Variants in RFXANK observed in about 807,000 individuals in gnomAD.
RFXANK encodes regulatory factor X associated ankyrin containing protein.
In RFXANK, 19 loss-of-function variants were observed where a neutral mutation model predicts 34.5. The observed-to-expected ratio is 0.55, with a 90% confidence interval of 0.38 to 0.81. The LOEUF (loss-of-function observed/expected upper bound fraction) is 0.81, where lower values mean the gene tolerates loss of function less well. Among genes scored for constraint, RFXANK ranks in the 30% least tolerant of loss-of-function variants. RFXANK has a pLI of 0.00. For missense variants in RFXANK, 295 were observed against 343.5 expected, an observed-to-expected ratio of 0.86 and a Z score of 1.12; for synonymous variants, 154 against 149.8, an observed-to-expected ratio of 1.03 and a Z score of -0.20.
chr19:19,195,868 G>A (rs148503973), intron 3 of RFXANK, among the ~76,000 whole-genome samples: 28 of 148,706 alleles, frequency 1.9e-4, no homozygotes, highest in South Asian at 6.4e-4. Context: ...TCAGCCTCCC[G>A]AGTAGCTGGG....
chr19:19,195,037 G>A (rs550642715), intron 3 of RFXANK, among the ~76,000 whole-genome samples: 50 of 115,194 alleles, frequency 4.3e-4, no homozygotes, highest in Non-Finnish European at 6.4e-4. Context: ...TCCCGCCTCC[G>A]TTTTTTTTTT....
At chr19:19,200,238 C>T (rs1397793632) in intron 9 of RFXANK, among the ~76,000 whole-genome samples, 1 of 145,512 alleles carries the variant, frequency 6.9e-6, no homozygotes, top group Non-Finnish European at 1.5e-5. Context: ...AGTGCAATGG[C>T]GCCATCTCGG....
chr19:19,201,831 C>A lies in RFXANK; in HGVS notation c.*112C>A. The A allele has an allele frequency of 6.2e-7, 1 of 1,611,506 alleles. No individual in the cohort carries two copies. The highest frequency in any genetic ancestry group is 8.5e-7 in the Non-Finnish European group (1 of 1,178,760). On this transcript the variant is annotated 3_prime_UTR_variant, in exon 10 of 10. Coordinates refer to ENST00000303088, the MANE Select transcript of RFXANK (RefSeq NM_003721.4). Reference sequence around the variant, plus strand: ...TCTGGACAGGTGGTGGGAGGGGACCCTTCCCAAGAGGAACCAATAAACCTT... The same window carrying A: ...TCTGGACAGGTGGTGGGAGGGGACCATTCCCAAGAGGAACCAATAAACCTT...
Position 19,197,165 on chromosome 19 carries a change from T to C in RFXANK, c.272-21T>C. 5 of 1,613,874 alleles carry C rather than the reference T, an allele frequency of 3.1e-6. No individual in the cohort carries two copies. The South Asian group carries it at 5.5e-5, about 18-fold the overall frequency. On this transcript the variant is annotated intron_variant, in intron 4 of 9. Transcript: ENST00000303088. ...GAGAAGCAAGGGGATGAGTGAGGAC[T>C]CTGCCTCTGTCCTGCCCCAGCCCTG...
At chr19:19,197,326 T>C (rs887259244) in intron 5 of RFXANK, 75 bp downstream of exon 5, 2 of 1,452,624 alleles carry the variant, frequency 1.4e-6, no homozygotes, top group Non-Finnish European at 1.9e-6. Context: ...TACCCACTCA[T>C]GACGTGACCT....
chr19:19,198,135 AG>A lies in RFXANK; in HGVS notation c.468del (p.Glu156AspfsTer48). ...WGADPHILAK[E>X]RESALSLAST... ...GCCGACCCCCACATCCTGGCAAAAG[AG>A]CGAGAGAGCGCCCTGTCGCTGGCCA... On this transcript the variant is annotated frameshift_variant, in exon 7 of 10. Transcript: ENST00000303088. LOFTEE classifies it high-confidence loss of function. The A allele has an allele frequency of 6.2e-7, 1 of 1,614,052 alleles. No homozygotes were observed. Among genetic ancestry groups the A allele is most frequent in the Non-Finnish European group, 8.5e-7 (1 of 1,179,994 alleles).
chr19:19,193,974 C>T lies in RFXANK; in HGVS notation c.28C>T (p.Leu10Phe). 3.7e-6 allele frequency: 6 copies of T among 1,614,248 alleles called. No individual in the cohort carries two copies. The highest frequency in any genetic ancestry group is 1.3e-5 in the African/African-American group (1 of 75,068). Residue 10 changes from leucine to phenylalanine, a missense_variant, in exon 3 of 10, where the codon CTC (leucine) becomes TTC (phenylalanine). Leu to Phe is a conservative substitution (Grantham distance 22, BLOSUM62 0). Coordinates refer to ENST00000303088, the MANE Select transcript of RFXANK (RefSeq NM_003721.4). ...GGAGCTTACCCAGCCTGCAGAAGAC[C>T]TCATCCAGACCCAGCAGACCCCTGC... MELTQPAED[L>F]IQTQQTPASE...
At position 19,192,329 on chromosome 19, in the gene RFXANK, G is replaced by A; in HGVS notation, c.-375G>A. ...CACCCGGGGGTGGCGCAGTGAGGAG[G>A]GGGCGCGACGGCCAGGAGGCTGGTG... On this transcript the variant is annotated 5_prime_UTR_variant, in exon 1 of 10. Coordinates refer to ENST00000303088, the MANE Select transcript of RFXANK (RefSeq NM_003721.4). 1 of 619,294 alleles carries A rather than the reference G, an allele frequency of 1.6e-6. No homozygotes were observed. The highest frequency in any genetic ancestry group is 2.0e-5 in the South Asian group (1 of 49,906). The allele number at this position is 619,294 out of a possible 1,614,324, so 38.4% of individuals were successfully genotyped here. A position where few individuals can be genotyped will look rare whatever the true frequency, so the allele number is the denominator to read the frequency against.
rs1874184814 is a variant in RFXANK at position 19,197,334 on chromosome 19, C to T, written c.337+83C>T. ...GTGTCCATACCCACTCATGACGTGA[C>T]CTGTGAGTGTCCACGTGTATGATTG... is the stretch of plus-strand genomic sequence containing the variant. On this transcript the variant is annotated intron_variant, in intron 5 of 9. Transcript: ENST00000303088. The T allele has an allele frequency of 2.1e-6, 3 of 1,405,898 alleles. No homozygotes were observed. The African/African-American group carries it at 4.2e-5, about 20-fold the overall frequency. The allele number at this position is 1,405,898 out of a possible 1,614,324, so 87.1% of individuals were successfully genotyped here. A position where few individuals can be genotyped will look rare whatever the true frequency, so the allele number is the denominator to read the frequency against.
chr19:19,194,845 G>A (rs911688357), intron 3 of RFXANK, among the ~76,000 whole-genome samples: 3 of 152,042 alleles, frequency 2.0e-5, no homozygotes, highest in African/African-American at 7.2e-5. Flanking sequence ...AGCTAGGAGT[G>A]AAATTACTGG....
At chr19:19,199,280 C>T (rs776416053) in intron 9 of RFXANK, 46 bp downstream of exon 9, 1 of 1,568,640 alleles carries the variant, frequency 6.4e-7, no homozygotes, top group Non-Finnish European at 8.8e-7. Flanking sequence ...CTTCCATAGG[C>T]AGGGTGACCA....
intron 1 of RFXANK, 66 bp from the exon 2 acceptor site, chr19:19,192,888 TGCGCAA>T (rs1232525521): frequency 2.0e-5 from 3 of 152,086 alleles, no homozygotes; most frequent in Non-Finnish European, 4.4e-5. Flanking sequence ...GGGGCGGGGG[TGCGCAA>T]GCGCAGTGGG....
rs1369180801 is a variant in RFXANK at position 19,197,131 on chromosome 19, T to G, written c.272-55T>G. ...GAGCAATCGTGGACAGAGGGTAAAC[T>G]GAGGCACAGAGAAGCAAGGGGATGA... On this transcript the variant is annotated intron_variant, in intron 4 of 9. Coordinates refer to ENST00000303088, the MANE Select transcript of RFXANK (RefSeq NM_003721.4). 5 of 1,612,248 alleles carry G rather than the reference T, an allele frequency of 3.1e-6. No homozygotes were observed. In the Admixed American group the frequency reaches 8.3e-5, roughly 27 times the overall value.
chr19:19,198,040 G>A, intron 6 of RFXANK, 67 bp from the exon 7 acceptor site: 2 of 1,557,632 alleles, frequency 1.3e-6, no homozygotes, highest in Non-Finnish European at 1.8e-6. Context: ...TGCGGCTGCT[G>A]TGGGTACCCC....
At chr19:19,199,288 C>T (rs879050897) in intron 9 of RFXANK, 54 bp downstream of exon 9, 21 of 1,543,772 alleles carry the variant, frequency 1.4e-5, no homozygotes, top group South Asian at 1.3e-4. Context: ...GGCAGGGTGA[C>T]CATAAAGGGG....
chr19:19,198,018 A>T (rs1055241442), intron 6 of RFXANK, 89 bp from the exon 7 acceptor site: 20 of 1,558,574 alleles, frequency 1.3e-5, no homozygotes, highest in African/African-American at 1.1e-4. Context: ...TCTCCAAAAA[A>T]AAAAAAAAAG....
intron 3 of RFXANK, among the ~76,000 whole-genome samples, chr19:19,194,908 T>C (rs530839026): frequency 2.1e-4 from 32 of 152,146 alleles, no homozygotes; most frequent in Non-Finnish European, 4.0e-4. Context: ...TTATTTTTGA[T>C]TGGAGTCCAA....
At chr19:19,200,236 G>A (rs956281643) in intron 9 of RFXANK, among the ~76,000 whole-genome samples, 98 of 145,286 alleles carry the variant, frequency 6.7e-4, no homozygotes, top group Non-Finnish European at 2.2e-4. Context: ...GGAGTGCAAT[G>A]GCGCCATCTC....
rs1000737490 is a variant in RFXANK at position 19,196,011 on chromosome 19, G to A, written c.188-952G>A. On this transcript the variant is annotated intron_variant, in intron 3 of 9. Transcript: ENST00000303088. ...CCCACCTCAGCCTCCCAAAGTGCTG[G>A]GATTACAGGCATGAGCCACTGTGCC... Among the ~76,000 whole-genome samples the A allele has an allele frequency of 2.6e-5, 4 of 151,994 alleles. No individual in the cohort carries two copies. The East Asian group carries it at 7.7e-4, about 29-fold the overall frequency.
Sources: allele counts gnomAD v4.1 joint callset (sites outside exome capture counted in the v4.1 genomes callset), GRCh38; gene constraint gnomAD v4.1.1; transcripts MANE v1.5; gene names NCBI Gene and HGNC (gene_info 2026-07-23, HGNC 2026-07-21).